Variants in SNX8 observed in about 807,000 individuals in gnomAD.
The protein encoded by SNX8 is sorting nexin-8.
SNX8 carries 25 observed loss-of-function variants against 51.6 expected under a neutral mutation model. That is an observed-to-expected ratio of 0.48 (90% confidence interval 0.35 to 0.68). The LOEUF (loss-of-function observed/expected upper bound fraction) is 0.68, where lower values mean the gene tolerates loss of function less well. SNX8 is among the 30% of genes least tolerant of loss of function. The probability of loss-of-function intolerance (pLI) is 0.00; values close to 1 mark genes in which losing one functional copy is unlikely to be tolerated. For synonymous variants in SNX8, 324 were observed against 277.0 expected (o/e 1.17, Z -1.68); for missense variants, 695 against 624.0 (o/e 1.11, Z -1.21).
intron 1 of SNX8, among the ~76,000 whole-genome samples, chr7:2,313,382 C>T (rs1385120314): frequency 6.6e-6 from 1 of 151,294 alleles, no homozygotes; most frequent in Admixed American, 6.6e-5. Flanking sequence ...AAAATTTAGC[C>T]GAGTGTCATG....
intron 1 of SNX8, among the ~76,000 whole-genome samples, chr7:2,323,494 A>C (rs12670380): frequency 0.29 from 44,545 of 151,994 alleles, 6,717 homozygotes; most frequent in Middle Eastern, 0.46. Flanking sequence ...AAAGTCACAA[A>C]GGGGTTCATG....
rs561686134 is a variant in SNX8, at chr7:2,254,908, G to A, written c.*148C>T. ...CCCATGGTCCACGGATGCGCCTCCC[G>A]ACCCGCAGGCGTGAGCTCCTCTGCT... is the stretch of plus-strand genomic sequence containing the variant. On this transcript the variant is annotated 3_prime_UTR_variant, in exon 11 of 11. Coordinates refer to ENST00000222990, the MANE Select transcript of SNX8 (RefSeq NM_013321.4). 39 of 659,190 alleles carry A rather than the reference G, an allele frequency of 5.9e-5. No homozygotes were observed. The highest frequency in any genetic ancestry group is 3.4e-4 in the Middle Eastern group (1 of 2,978). The allele number at this position is 659,190 out of a possible 1,614,324, so 40.8% of individuals were successfully genotyped here. A position where few individuals can be genotyped will look rare whatever the true frequency, so the allele number is the denominator to read the frequency against.
At chr7:2,266,483 ATTACAGGT>A (rs1795467184) in intron 5 of SNX8, among the ~76,000 whole-genome samples, 1 of 152,118 alleles carries the variant, frequency 6.6e-6, no homozygotes, top group Non-Finnish European at 1.5e-5. Context: ...AGTAGCTGGA[ATTACAGGT>A]GCACGCCACC....
intron 2 of SNX8, 80 bp downstream of exon 2, chr7:2,278,020 C>A: frequency 6.5e-7 from 1 of 1,542,616 alleles, no homozygotes; most frequent in Non-Finnish European, 8.8e-7. Flanking sequence ...TCTCCTGTCA[C>A]ACCACTCCTG....
chr7:2,299,635 G>A (rs973773813), intron 1 of SNX8, among the ~76,000 whole-genome samples: 24 of 152,092 alleles, frequency 1.6e-4, no homozygotes, highest in African/African-American at 5.3e-4. Flanking sequence ...AAGAGTCCTC[G>A]TCTCTGTTTA....
At chr7:2,313,624 A>G (rs1407642036) in intron 1 of SNX8, among the ~76,000 whole-genome samples, 1 of 152,266 alleles carries the variant, frequency 6.6e-6, no homozygotes, top group African/African-American at 2.4e-5. Flanking sequence ...GCACTTTGGG[A>G]GGCCAAGGCA....
chr7:2,261,826 C>T (rs1213605162), intron 7 of SNX8, among the ~76,000 whole-genome samples: 1 of 152,236 alleles, frequency 6.6e-6, no homozygotes, highest in Non-Finnish European at 1.5e-5. Flanking sequence ...GTCACGGGCA[C>T]CTGAGCGCCC....
intron 1 of SNX8, among the ~76,000 whole-genome samples, chr7:2,302,635 G>T (rs1796425875): frequency 6.6e-6 from 1 of 151,688 alleles, no homozygotes. Context: ...CTGCCCAGCT[G>T]CCACCCCATC....
At chr7:2,300,606 G>A (rs1304190783) in intron 1 of SNX8, among the ~76,000 whole-genome samples, 1 of 151,300 alleles carries the variant, frequency 6.6e-6, no homozygotes, top group Non-Finnish European at 1.5e-5. Flanking sequence ...TAGAGAAAAG[G>A]TCTCGCTATG....
At chr7:2,265,808 G>C (rs988515319) in intron 5 of SNX8, among the ~76,000 whole-genome samples, 5 of 152,212 alleles carry the variant, frequency 3.3e-5, no homozygotes, top group Non-Finnish European at 7.4e-5. Flanking sequence ...AGCTCAGAGA[G>C]TAAAATGAAG....
chr7:2,348,108 A>T (rs1463093778), intron 1 of SNX8, among the ~76,000 whole-genome samples: 1 of 152,142 alleles, frequency 6.6e-6, no homozygotes, highest in East Asian at 1.9e-4. Flanking sequence ...TAAGGAATTT[A>T]AAAAAGAAAC....
chr7:2,323,329 C>CA (rs35005505), intron 1 of SNX8, among the ~76,000 whole-genome samples: 44,754 of 105,706 alleles, frequency 0.42, 9,914 homozygotes, highest in Non-Finnish European at 0.52. Context: ...GAGTCTGTCT[C>CA]AAAAAAAAAA....
upstream of SNX8, among the ~76,000 whole-genome samples, chr7:2,316,709 CCACT>C (rs201611830): frequency 8.6e-4 from 126 of 146,614 alleles, no homozygotes; most frequent in African/African-American, 2.8e-3. Flanking sequence ...ATTCATGCAA[CCACT>C]CACTCACTCA....
intron 1 of SNX8, among the ~76,000 whole-genome samples, chr7:2,343,731 G>A (rs926439455): frequency 4.0e-5 from 6 of 151,892 alleles, no homozygotes; most frequent in African/African-American, 1.5e-4. Context: ...AAAAATGCCA[G>A]ATATGAGCCA....
rs201038308 is a variant in SNX8, at chr7:2,275,238, G to T, written c.301-9C>A. Reference sequence around the variant, plus strand: ...ACCGAGGACTTGAAGCGCTGCAAGAGAAGGGTCGGTGCTTAGATCCGACGT... The same window carrying T: ...ACCGAGGACTTGAAGCGCTGCAAGATAAGGGTCGGTGCTTAGATCCGACGT... On this transcript the variant is annotated splice_polypyrimidine_tract_variant and intron_variant, in intron 2 of 10. Coordinates refer to ENST00000222990, the MANE Select transcript of SNX8 (RefSeq NM_013321.4). 3.8e-5 allele frequency: 60 copies of T among 1,588,932 alleles called. No homozygotes were observed. In the South Asian group the frequency reaches 6.3e-4, roughly 17 times the overall value.
Position 2,330,989 on chromosome 7 carries a change from A to C in SNX8, c.-66+23233T>G, listed in dbSNP as rs143333941. 8.0e-3 allele frequency among the ~76,000 whole-genome samples: 1,211 copies of C among 151,944 alleles called. 16 individuals carry two copies. The highest frequency in any genetic ancestry group is 0.028 in the African/African-American group (1,152 of 41,464). On this transcript the variant is annotated intron_variant, in intron 1 of 5. Transcript: ENST00000435336. ...CACTTGAGGTCAGGAATTCAAGACC[A>C]GCCTGGCCAACATGGTGAAACCCCG...
At chr7:2,260,674 C>T (rs1476978020) in intron 7 of SNX8, among the ~76,000 whole-genome samples, 4 of 152,120 alleles carry the variant, frequency 2.6e-5, no homozygotes, top group African/African-American at 9.7e-5. Flanking sequence ...CCCGACTGAA[C>T]AGCAAGGGTG....
chr7:2,266,668 TTTTTTTGTTTTCC>T (rs1270877736), intron 5 of SNX8, among the ~76,000 whole-genome samples: 1 of 151,926 alleles, frequency 6.6e-6, no homozygotes, highest in Non-Finnish European at 1.5e-5. Context: ...TTGTTTTGCT[TTTTTTTGTTTTCC>T]TTTTTTGTTT....
chr7:2,334,183 C>G (rs1222402972), intron 1 of SNX8, among the ~76,000 whole-genome samples: 1 of 152,012 alleles, frequency 6.6e-6, no homozygotes, highest in East Asian at 1.9e-4. Context: ...GGGGTCGGAT[C>G]ATGAGGTCAG....
Sources: allele counts gnomAD v4.1 joint callset (sites outside exome capture counted in the v4.1 genomes callset), GRCh38; gene constraint gnomAD v4.1.1; transcripts MANE v1.5; gene names NCBI Gene and HGNC (gene_info 2026-07-23, HGNC 2026-07-21).